The following INTS6 variants were observed in gnomAD, a reference collection of about 807,000 sequenced individuals.
The protein encoded by INTS6 is integrator complex subunit 6.
In INTS6, 16 loss-of-function variants were observed where a neutral mutation model predicts 104.9. That is an observed-to-expected ratio of 0.15 (90% confidence interval 0.10 to 0.23). INTS6 has a LOEUF of 0.23. Ranked by LOEUF, INTS6 falls within the 10% of genes least tolerant of loss-of-function variation. The pLI, the probability that INTS6 is intolerant of heterozygous loss-of-function variation, is 1.00. For synonymous variants in INTS6, 324 were observed against 358.7 expected (o/e 0.90, Z 1.09); for missense variants, 584 against 1,062.8 (o/e 0.55, Z 6.26).
chr13:51,398,662 G>A (rs931367675), intron 4 of INTS6, among the ~76,000 whole-genome samples: 14 of 150,398 alleles, frequency 9.3e-5, no homozygotes, highest in Admixed American at 8.6e-4. Context: ...AGCTAAACAT[G>A]AGCATACCCT....
downstream of INTS6, among the ~76,000 whole-genome samples, chr13:51,359,168 C>G (rs1005791108): frequency 2.6e-5 from 4 of 152,012 alleles, no homozygotes; most frequent in Non-Finnish European, 4.4e-5. Flanking sequence ...GCTGTCAACA[C>G]TTCAGGGGAG....
intron 4 of INTS6, 109 bp downstream of exon 4, chr13:51,430,182 AATT>A: frequency 2.4e-6 from 2 of 845,444 alleles, no homozygotes; most frequent in Non-Finnish European, 3.8e-6. Context: ...GATGACTCTA[AATT>A]GCATCAAATA....
chr13:51,337,534 C>T, the INTS6 span, among the ~76,000 whole-genome samples: 1 of 152,174 alleles, frequency 6.6e-6, no homozygotes, highest in Non-Finnish European at 1.5e-5. Flanking sequence ...TTTAAGAGAC[C>T]TCATCCCTTG....
chr13:51,392,519 C>T (rs1956261709), intron 5 of INTS6, among the ~76,000 whole-genome samples: 1 of 152,216 alleles, frequency 6.6e-6, no homozygotes, highest in Non-Finnish European at 1.5e-5. Flanking sequence ...CCATGCTAGC[C>T]TTCCTGTTGC....
intron 3 of INTS6, chr13:51,438,654 C>CCT (rs1952738781): frequency 1.3e-5 from 2 of 152,314 alleles, no homozygotes; most frequent in South Asian, 4.1e-4. Context: ...CCTATTTAGG[C>CCT]CTGATCTTGT....
chr13:51,407,762 CAT>C (rs1956599383), intron 4 of INTS6, among the ~76,000 whole-genome samples: 1 of 152,070 alleles, frequency 6.6e-6, no homozygotes. Context: ...TATGGCCAGG[CAT>C]AGTGGTTCAT....
chr13:51,369,802 C>T (rs1244309040), intron 15 of INTS6, among the ~76,000 whole-genome samples: 1 of 152,170 alleles, frequency 6.6e-6, no homozygotes, highest in Non-Finnish European at 1.5e-5. Flanking sequence ...GAACATACCA[C>T]CAAACAGGTA....
chr13:51,361,715 T>C lies in INTS6; in HGVS notation c.*4037A>G. 1 of 1,145,542 alleles carries C rather than the reference T, an allele frequency of 8.7e-7. No homozygotes were observed. Among genetic ancestry groups the C allele is most frequent in the Non-Finnish European group, 1.2e-6 (1 of 826,762 alleles). The allele number at this position is 1,145,542 out of a possible 1,614,324, so 71.0% of individuals were successfully genotyped here. A position where few individuals can be genotyped will look rare whatever the true frequency, so the allele number is the denominator to read the frequency against. Reference sequence around the variant, plus strand: ...AACAATCAAATGCCATTAGGATGCTTTGATTTCTTAAAAAATTAACTTACT... The same window carrying C: ...AACAATCAAATGCCATTAGGATGCTCTGATTTCTTAAAAAATTAACTTACT... On this transcript the variant is annotated 3_prime_UTR_variant, in exon 18 of 18. Transcript: ENST00000311234.
chr13:51,434,081 A>G (rs1007668180), intron 3 of INTS6, among the ~76,000 whole-genome samples: 3 of 152,196 alleles, frequency 2.0e-5, no homozygotes, highest in Non-Finnish European at 4.4e-5. Flanking sequence ...ACATAATTCC[A>G]TACTAACCTG....
chr13:51,430,077 T>C (rs1010045759), intron 4 of INTS6, among the ~76,000 whole-genome samples: 1 of 151,944 alleles, frequency 6.6e-6, no homozygotes, highest in Non-Finnish European at 1.5e-5. Flanking sequence ...CACATACAAA[T>C]GAGGTGTGGG....
chr13:51,410,927 T>C lies in INTS6; in HGVS notation c.430-15444A>G, dbSNP rs191423153. Among the ~76,000 whole-genome samples, 4 of 152,020 alleles carry C rather than the reference T, an allele frequency of 2.6e-5. No individual in the cohort carries two copies. In the East Asian group the frequency reaches 7.8e-4, roughly 30 times the overall value. On this transcript the variant is annotated intron_variant, in intron 4 of 17. Transcript: ENST00000311234. The stretch of plus-strand genomic sequence containing the variant: ...GAGATACAGATAGAAAATAAGCACA[T>C]GGAGCTGGGCACCATGACTCACACC...
chr13:51,392,698 T>C (rs985709425), intron 5 of INTS6, among the ~76,000 whole-genome samples: 7 of 152,296 alleles, frequency 4.6e-5, no homozygotes, highest in African/African-American at 1.7e-4. Flanking sequence ...CCTTACTCTG[T>C]TTTGTCTTCA....
chr13:51,443,144 A>G (rs2138147826), intron 3 of INTS6: 1 of 152,342 alleles, frequency 6.6e-6, no homozygotes, highest in African/African-American at 2.4e-5. Flanking sequence ...AAATCTCCAT[A>G]ACTGTTCTAT....
intron 4 of INTS6, among the ~76,000 whole-genome samples, chr13:51,416,253 G>A (rs550349583): frequency 1.3e-5 from 2 of 152,282 alleles, no homozygotes; most frequent in Non-Finnish European, 2.9e-5. Flanking sequence ...TGAGAGTAAA[G>A]ATACAAGTTC....
chr13:51,451,194 A>G lies in INTS6; in HGVS notation c.190-20T>C. The stretch of plus-strand genomic sequence containing the variant: ...TCCAGCCTGAAAAGAAAAATGTAAG[A>G]TTTTTTTTTTTCATTTTTTAAAGCC... On this transcript the variant is annotated intron_variant, in intron 2 of 17. Coordinates refer to ENST00000311234, the MANE Select transcript of INTS6 (RefSeq NM_012141.3). 1 of 1,311,490 alleles carries G rather than the reference A, an allele frequency of 7.6e-7. No individual in the cohort carries two copies. The highest frequency in any genetic ancestry group is 2.8e-5 in the East Asian group (1 of 35,902). 81.2% of individuals were successfully genotyped at this position (1,311,490 alleles called of 1,614,324 possible).
chr13:51,404,308 A>C (rs1182741420), intron 4 of INTS6, among the ~76,000 whole-genome samples: 3 of 151,472 alleles, frequency 2.0e-5, no homozygotes, highest in Admixed American at 6.6e-5. Flanking sequence ...AAAAAAAAAA[A>C]ACAAAACTGT....
At chr13:51,370,081 C>T (rs1955774442) in intron 15 of INTS6, among the ~76,000 whole-genome samples, 1 of 152,018 alleles carries the variant, frequency 6.6e-6, no homozygotes, top group South Asian at 2.1e-4. Context: ...ACCCATATTC[C>T]CCTATACACT....
At chr13:51,449,657 A>T in intron 3 of INTS6, 1 of 985,256 alleles carries the variant, frequency 1.0e-6, no homozygotes, top group Non-Finnish European at 1.2e-6. Flanking sequence ...CTTTGAACTC[A>T]AAGAGGTAAG....
At chr13:51,407,889 C>T (rs545265836) in intron 4 of INTS6, among the ~76,000 whole-genome samples, 5 of 151,686 alleles carry the variant, frequency 3.3e-5, no homozygotes, top group East Asian at 4.0e-4. Flanking sequence ...TGGTGGCACA[C>T]GCCTGTAATC....
Sources: allele counts gnomAD v4.1 joint callset (sites outside exome capture counted in the v4.1 genomes callset), GRCh38; gene constraint gnomAD v4.1.1; transcripts MANE v1.5; gene names NCBI Gene and HGNC (gene_info 2026-07-23, HGNC 2026-07-21).